EDARADD: variants seen among roughly 807,000 people sequenced by gnomAD.
EDARADD encodes EDAR associated via death domain, also known as ectodysplasin-A receptor-associated adapter protein.
EDARADD carries 20 observed loss-of-function variants against 25.6 expected under a neutral mutation model. The observed-to-expected ratio is 0.78, with a 90% CI of 0.55 to 1.14. The LOEUF is 1.14. EDARADD is among the 50% of genes most tolerant of loss of function. The probability of loss-of-function intolerance (pLI) is 0.00; values close to 1 mark genes in which losing one functional copy is unlikely to be tolerated. For missense variants in EDARADD, 225 were observed against 270.1 expected (o/e 0.83, Z 1.17); for synonymous variants, 86 against 94.4 (o/e 0.91, Z 0.52).
intron 3 of EDARADD, among the ~76,000 whole-genome samples, chr1:236,357,794 A>C (rs1045229226): frequency 6.6e-6 from 1 of 151,852 alleles, no homozygotes; most frequent in African/African-American, 2.4e-5. Flanking sequence ...CAACATGGGG[A>C]TTACAGTTCA....
chr1:236,376,952 A>G (rs574533871), intron 3 of EDARADD, among the ~76,000 whole-genome samples: 65 of 152,026 alleles, frequency 4.3e-4, no homozygotes, highest in Non-Finnish European at 8.4e-4. Context: ...AGCCATGTCC[A>G]GTCTACTAAT....
At chr1:236,432,998 A>T (rs920596468) in intron 4 of EDARADD, among the ~76,000 whole-genome samples, 4 of 152,108 alleles carry the variant, frequency 2.6e-5, no homozygotes, top group Middle Eastern at 3.2e-3. Flanking sequence ...TTTACTTGCG[A>T]CAAATGTATC....
At chr1:236,415,940 C>T (rs959393419) in intron 3 of EDARADD, among the ~76,000 whole-genome samples, 2 of 152,220 alleles carry the variant, frequency 1.3e-5, no homozygotes, top group African/African-American at 4.8e-5. Flanking sequence ...CCAGCACGCA[C>T]TAACGTGAGT....
chr1:236,358,212 C>T (rs576995480), intron 3 of EDARADD, among the ~76,000 whole-genome samples: 1 of 152,084 alleles, frequency 6.6e-6, no homozygotes, highest in Admixed American at 6.6e-5. Context: ...GCTTTTTGTT[C>T]TTTGTTTCTG....
intron 3 of EDARADD, among the ~76,000 whole-genome samples, chr1:236,363,462 A>T (rs1667078416): frequency 6.6e-6 from 1 of 151,200 alleles, no homozygotes; most frequent in African/African-American, 2.4e-5. Context: ...CATGCCTGTA[A>T]TCCCAGCACT....
At chr1:236,463,711 C>T (rs1659103355) in intron 4 of EDARADD, among the ~76,000 whole-genome samples, 2 of 152,214 alleles carry the variant, frequency 1.3e-5, no homozygotes, top group Admixed American at 1.3e-4. Context: ...ATTCTGTACC[C>T]ATTGAACGGT....
At chr1:236,356,913 G>A (rs1284260974) in intron 3 of EDARADD, among the ~76,000 whole-genome samples, 8 of 151,856 alleles carry the variant, frequency 5.3e-5, no homozygotes, top group African/African-American at 9.7e-5. Context: ...GAGAAAACAC[G>A]TCTCTAATAA....
intron 3 of EDARADD, among the ~76,000 whole-genome samples, chr1:236,425,414 A>G (rs1457095382): frequency 6.6e-6 from 1 of 152,154 alleles, no homozygotes; most frequent in Non-Finnish European, 1.5e-5. Flanking sequence ...AGCAGCAACC[A>G]GGGCACCAGG....
intron 3 of EDARADD, among the ~76,000 whole-genome samples, chr1:236,370,719 T>G (rs1196762291): frequency 6.6e-6 from 1 of 152,112 alleles, no homozygotes; most frequent in Non-Finnish European, 1.5e-5. Flanking sequence ...ATCCATCAAG[T>G]GCAGGGTTGG....
chr1:236,388,185 T>G (rs142166497), intron 3 of EDARADD, among the ~76,000 whole-genome samples: 10 of 152,338 alleles, frequency 6.6e-5, no homozygotes, highest in Non-Finnish European at 1.3e-4. Context: ...TTTGACCATT[T>G]AAATGTGTCT....
Position 236,483,583 on chromosome 1 carries a change from A to C in EDARADD, c.*934A>C. ...CACCACATCGCCGACTTGTCTGGCA[A>C]CTCCAAAGTCATCTTGCCAGTCCCG... On this transcript the variant is annotated 3_prime_UTR_variant, in exon 6 of 6. Coordinates refer to ENST00000334232, the MANE Select transcript of EDARADD (RefSeq NM_145861.4). 1 of 1,436,870 alleles carries C rather than the reference A, an allele frequency of 7.0e-7. No individual in the cohort carries two copies. Among genetic ancestry groups the C allele is most frequent in the Non-Finnish European group, 9.8e-7 (1 of 1,020,874 alleles). 89.0% of individuals were successfully genotyped at this position (1,436,870 alleles called of 1,614,324 possible). A position where few individuals can be genotyped will look rare whatever the true frequency, so the allele number is the denominator to read the frequency against.
At chr1:236,461,803 C>T (rs1659045912) in intron 4 of EDARADD, among the ~76,000 whole-genome samples, 2 of 152,084 alleles carry the variant, frequency 1.3e-5, no homozygotes, top group South Asian at 4.2e-4. Flanking sequence ...GTTATCCTCC[C>T]CATAGTTTGC....
rs1480936193 is a variant in EDARADD at position 236,482,278 on chromosome 1, G to C, written c.277G>C (p.Asp93His). The change falls in exon 6 of 6, where the codon GAC (aspartate) becomes CAC (histidine). Residue 93 changes from aspartate to histidine, a missense_variant. Transcript: ENST00000334232. ...GTTTCTCCCTGCAGAGATCAGCAAGGACAACTCCTGCAAAGAAAACTGTAC... is the reference window on the plus strand; with the variant it reads ...GTTTCTCCCTGCAGAGATCAGCAAGCACAACTCCTGCAAAGAAAACTGTAC... ...TGDPLPEISK[D>H]NSCKENCTCS... The C allele has an allele frequency of 6.2e-7, 1 of 1,614,006 alleles. No homozygotes were observed. Among genetic ancestry groups the C allele is most frequent in the African/African-American group, 1.3e-5 (1 of 74,902 alleles).
rs138052640 is a variant in EDARADD at position 236,370,149 on chromosome 1, G to A, written c.-6+19310G>A. 8.5e-3 allele frequency among the ~76,000 whole-genome samples: 1,287 copies of A among 152,268 alleles called. 18 individuals are homozygous for A. The highest frequency in any genetic ancestry group is 0.029 in the African/African-American group (1,215 of 41,548). On this transcript the variant is annotated intron_variant, in intron 3 of 7. Transcript: ENST00000439430. Reference sequence around the variant, plus strand: ...CAAGACGGGGGAATTGGCCAGGCACGGTGGCTCACACCTGTAATCCTAGAA... The same window carrying A: ...CAAGACGGGGGAATTGGCCAGGCACAGTGGCTCACACCTGTAATCCTAGAA...
Position 236,386,124 on chromosome 1 carries a change from G to A in EDARADD, c.-5-23092G>A, listed in dbSNP as rs1178741380. 1.2e-4 allele frequency among the ~76,000 whole-genome samples: 4 copies of A among 33,916 alleles called. 2 individuals are homozygous for A. Among genetic ancestry groups the A allele is most frequent in the African/African-American group, 3.3e-4 (4 of 12,132 alleles). The allele number at this position is 33,916 out of a possible 152,430, so 22.3% of individuals were successfully genotyped here. A position where few individuals can be genotyped will look rare whatever the true frequency, so the allele number is the denominator to read the frequency against. The stretch of plus-strand genomic sequence containing the variant: ...GAGACGGGGTTTCGCTGTGTTGACC[G>A]GGCCGGTCTCCAGCCCCTAACCGCG... On this transcript the variant is annotated intron_variant, in intron 3 of 7. Coordinates refer to the EDARADD transcript ENST00000439430.
intron 1 of EDARADD, among the ~76,000 whole-genome samples, chr1:236,396,335 TTC>T (rs1421108409): frequency 6.6e-6 from 1 of 152,066 alleles, no homozygotes; most frequent in African/African-American, 2.4e-5. Flanking sequence ...TTTCCTGGAG[TTC>T]TCTCTCTCCG....
chr1:236,448,530 C>G (rs904502859), intron 4 of EDARADD, among the ~76,000 whole-genome samples: 1 of 152,158 alleles, frequency 6.6e-6, no homozygotes, highest in Non-Finnish European at 1.5e-5. Flanking sequence ...AAAACCCTTT[C>G]CCCATTTCTA....
intron 4 of EDARADD, among the ~76,000 whole-genome samples, chr1:236,454,471 A>G (rs1190591086): frequency 2.6e-5 from 4 of 152,146 alleles, no homozygotes; most frequent in East Asian, 3.9e-4. Flanking sequence ...TCTGTCATTC[A>G]GAGACCAGGG....
At chr1:236,438,722 G>A (rs757840659) in intron 4 of EDARADD, among the ~76,000 whole-genome samples, 7 of 152,122 alleles carry the variant, frequency 4.6e-5, no homozygotes, top group Non-Finnish European at 7.3e-5. Flanking sequence ...GCTGAATTGA[G>A]CAAAAGGTGC....
Sources: gnomAD v4.1 joint callset for allele counts (sites outside exome capture counted in the v4.1 genomes callset) on GRCh38, gnomAD v4.1.1 for gene constraint, MANE v1.5 for transcripts, NCBI Gene and HGNC (gene_info 2026-07-23, HGNC 2026-07-21) for gene names.